Variants in NALCN observed in about 807,000 individuals in gnomAD.
The protein encoded by NALCN is sodium leak channel, non-selective.
A neutral mutation model predicts 225.3 loss-of-function variants in NALCN; 111 were observed. The observed-to-expected ratio is 0.49, with a 90% CI of 0.42 to 0.58. The LOEUF is 0.58. NALCN is among the 20% of genes least tolerant of loss of function. The pLI, the probability that NALCN is intolerant of heterozygous loss-of-function variation, is 0.00. For missense variants in NALCN, 1,378 were observed against 2,202.4 expected (o/e 0.63, Z 7.49); for synonymous variants, 764 against 769.0 (o/e 0.99, Z 0.11).
chr13:101,260,554 T>C (rs918408626), intron 10 of NALCN, among the ~76,000 whole-genome samples: 1 of 152,216 alleles, frequency 6.6e-6, no homozygotes, highest in Non-Finnish European at 1.5e-5. Context: ...CTTTTGAATA[T>C]AAACCATTTT....
chr13:101,299,385 G>C (rs1372161356), intron 7 of NALCN, among the ~76,000 whole-genome samples: 1 of 152,134 alleles, frequency 6.6e-6, no homozygotes. Flanking sequence ...TTAAATGACT[G>C]CCTTCTGAAC....
intron 13 of NALCN, among the ~76,000 whole-genome samples, chr13:101,197,459 G>T (rs1364643414): frequency 6.6e-5 from 10 of 152,034 alleles, no homozygotes; most frequent in Non-Finnish European, 1.5e-4. Flanking sequence ...GGTTTTATTA[G>T]CAGGGGAGTT....
chr13:101,408,373 T>C (rs1475986423), intron 1 of NALCN, among the ~76,000 whole-genome samples: 2 of 152,316 alleles, frequency 1.3e-5, no homozygotes, highest in East Asian at 3.9e-4. Context: ...CCCTGTAATC[T>C]GGCCTCTGCT....
intron 1 of NALCN, among the ~76,000 whole-genome samples, chr13:101,401,645 A>T (rs1274115786): frequency 6.6e-6 from 1 of 152,188 alleles, no homozygotes; most frequent in Non-Finnish European, 1.5e-5. Context: ...ATTGTTTTTT[A>T]AAAAATTCCC....
chr13:101,184,880 A>G (rs896561), intron 14 of NALCN, among the ~76,000 whole-genome samples: 13,545 of 152,038 alleles, frequency 0.089, 1,779 homozygotes, highest in African/African-American at 0.29. Context: ...TTCTTTTTAT[A>G]AAGTTTAATT....
intron 15 of NALCN, among the ~76,000 whole-genome samples, chr13:101,154,581 C>T (rs998964353): frequency 6.6e-6 from 1 of 152,144 alleles, no homozygotes; most frequent in Non-Finnish European, 1.5e-5. Context: ...TGTGCTTTTC[C>T]CCTACTAGCA....
chr13:101,307,554 T>C (rs1048842814), intron 7 of NALCN, among the ~76,000 whole-genome samples: 1 of 152,222 alleles, frequency 6.6e-6, no homozygotes, highest in African/African-American at 2.4e-5. Context: ...CACTCTGCCA[T>C]GCATGTCTGA....
chr13:101,084,647 C>T (rs1210157872), intron 30 of NALCN, among the ~76,000 whole-genome samples: 1 of 152,160 alleles, frequency 6.6e-6, no homozygotes, highest in African/African-American at 2.4e-5. Flanking sequence ...GTATACTTTC[C>T]ATACAACTAG....
chr13:101,095,695 C>T lies in NALCN; in HGVS notation c.3163-15G>A, dbSNP rs531808432. ...TTGCAATCTTCCTAAAGTAGAAAAA[C>T]AAGAGGAGAGGGGAAACCTGGTCAG... is the stretch of plus-strand genomic sequence containing the variant. On this transcript the variant is annotated splice_polypyrimidine_tract_variant and intron_variant, in intron 27 of 43. Coordinates refer to ENST00000251127, the MANE Select transcript of NALCN (RefSeq NM_052867.4). 3.1e-5 allele frequency: 50 copies of T among 1,593,080 alleles called. No homozygotes were observed. The South Asian group carries it at 5.3e-4, about 17-fold the overall frequency.
intron 6 of NALCN, among the ~76,000 whole-genome samples, chr13:101,353,574 CT>C (rs1411252527): frequency 6.6e-6 from 1 of 152,174 alleles, no homozygotes; most frequent in Non-Finnish European, 1.5e-5. Flanking sequence ...TCCGCCTGGA[CT>C]TTTAGTGGAA....
chr13:101,308,070 A>G (rs191441431), intron 7 of NALCN, among the ~76,000 whole-genome samples: 9 of 152,356 alleles, frequency 5.9e-5, no homozygotes, highest in Admixed American at 4.6e-4. Context: ...TATAAAATAG[A>G]GAAATTAGTT....
intron 7 of NALCN, among the ~76,000 whole-genome samples, chr13:101,295,804 C>T (rs915564735): frequency 5.9e-5 from 9 of 152,188 alleles, no homozygotes; most frequent in African/African-American, 9.6e-5. Flanking sequence ...AGGCAATGGA[C>T]GAAGATGGTC....
chr13:101,353,273 A>G (rs760836114), intron 6 of NALCN, among the ~76,000 whole-genome samples: 1 of 152,182 alleles, frequency 6.6e-6, no homozygotes, highest in Non-Finnish European at 1.5e-5. Context: ...AGCAAGACAC[A>G]TTATCTTGCT....
chr13:101,148,372 C>A (rs1388127483), intron 15 of NALCN, among the ~76,000 whole-genome samples: 1 of 152,170 alleles, frequency 6.6e-6, no homozygotes, highest in Non-Finnish European at 1.5e-5. Flanking sequence ...GCCTTCTGGG[C>A]CTGCGTGTTT....
At chr13:101,274,900 G>A (rs886701166) in intron 10 of NALCN, among the ~76,000 whole-genome samples, 1 of 152,134 alleles carries the variant, frequency 6.6e-6, no homozygotes, top group Non-Finnish European at 1.5e-5. Flanking sequence ...TGGCCAAAGA[G>A]TTGTGTCCTC....
Position 101,244,443 on chromosome 13 carries a change from A to T in NALCN, c.1267-6521T>A, listed in dbSNP as rs370429138. Among the ~76,000 whole-genome samples, 13 of 152,326 alleles carry T rather than the reference A, an allele frequency of 8.5e-5. No homozygotes were observed. In the East Asian group the frequency reaches 2.3e-3, roughly 27 times the overall value. ...GAAAGACACTAAAAGGCACTAAAAG[A>T]TTTAGCAAATTGTTATGTGATTATA... On this transcript the variant is annotated intron_variant, in intron 11 of 43. Transcript: ENST00000251127.
intron 13 of NALCN, among the ~76,000 whole-genome samples, chr13:101,218,401 C>G (rs955923165): frequency 2.6e-5 from 4 of 152,056 alleles, no homozygotes; most frequent in Non-Finnish European, 5.9e-5. Flanking sequence ...TCTGACAGCT[C>G]TAGGGAAAAA....
chr13:101,270,718 TGCATAAG>T (rs1419254934), intron 10 of NALCN, among the ~76,000 whole-genome samples: 2 of 152,172 alleles, frequency 1.3e-5, no homozygotes, highest in Non-Finnish European at 2.9e-5. Context: ...AGCTTTAGAG[TGCATAAG>T]GCATCATATT....
intron 13 of NALCN, among the ~76,000 whole-genome samples, chr13:101,208,990 G>A (rs1255912508): frequency 1.3e-5 from 2 of 152,250 alleles, no homozygotes; most frequent in East Asian, 1.9e-4. Flanking sequence ...ATCTGTCTGC[G>A]AACCCTAAGT....
Sources: allele counts gnomAD v4.1 joint callset (sites outside exome capture counted in the v4.1 genomes callset), GRCh38; gene constraint gnomAD v4.1.1; transcripts MANE v1.5; gene names NCBI Gene and HGNC (gene_info 2026-07-23, HGNC 2026-07-21).